Variants in COL25A1 observed in about 807,000 individuals in gnomAD.
COL25A1 encodes collagen type XXV alpha 1 chain, also known as collagen alpha-1(XXV) chain.
COL25A1 carries 103 observed loss-of-function variants against 128.4 expected under a neutral mutation model. That is an observed-to-expected ratio of 0.80 (90% CI 0.68 to 0.94). COL25A1 has a LOEUF of 0.94. Among genes scored for constraint, COL25A1 ranks in the 40% least tolerant of loss-of-function variants. The probability of loss-of-function intolerance (pLI) is 0.00; values close to 1 mark genes in which losing one functional copy is unlikely to be tolerated. For synonymous variants in COL25A1, 279 were observed against 277.2 expected (o/e 1.01, Z -0.06); for missense variants, 745 against 840.0 (o/e 0.89, Z 1.40).
intron 3 of COL25A1, among the ~76,000 whole-genome samples, chr4:109,267,611 C>T (rs1422118401): frequency 6.6e-6 from 1 of 152,096 alleles, no homozygotes; most frequent in Non-Finnish European, 1.5e-5. Flanking sequence ...TTATGGATAA[C>T]ATCGTACATG....
At chr4:109,243,715 A>G (rs1328325942) in intron 3 of COL25A1, among the ~76,000 whole-genome samples, 1 of 152,052 alleles carries the variant, frequency 6.6e-6, no homozygotes, top group Admixed American at 6.6e-5. Context: ...GATTAGATCT[A>G]AGAAAGATTT....
chr4:108,911,268 G>T (rs1302892580), intron 13 of COL25A1, among the ~76,000 whole-genome samples: 3 of 152,130 alleles, frequency 2.0e-5, no homozygotes, highest in African/African-American at 7.2e-5. Flanking sequence ...AGTATAAATT[G>T]TAAGCATTGC....
chr4:109,021,245 T>A (rs942900118), intron 5 of COL25A1, among the ~76,000 whole-genome samples: 3 of 152,196 alleles, frequency 2.0e-5, no homozygotes, highest in Non-Finnish European at 4.4e-5. Context: ...AAACTCAAGA[T>A]AACTGCCCAG....
chr4:108,880,660 T>G (rs1740009955), intron 19 of COL25A1, among the ~76,000 whole-genome samples: 1 of 152,156 alleles, frequency 6.6e-6, no homozygotes, highest in South Asian at 2.1e-4. Flanking sequence ...ATGAGTCCCA[T>G]CTTATGAGGA....
chr4:109,218,866 C>A (rs983553067), intron 3 of COL25A1, among the ~76,000 whole-genome samples: 2 of 151,998 alleles, frequency 1.3e-5, no homozygotes, highest in African/African-American at 2.4e-5. Flanking sequence ...AGTGATAATT[C>A]TTTCTCCTTT....
At chr4:108,869,190 C>CAGTAAATA in intron 19 of COL25A1, 40 bp from the exon 20 acceptor site, 1 of 754,006 alleles carries the variant, frequency 1.3e-6, no homozygotes, top group South Asian at 1.9e-5. Flanking sequence ...AATCATTTGA[C>CAGTAAATA]AATAAATAAA....
At chr4:108,824,912 G>A (rs1732186958) in intron 34 of COL25A1, among the ~76,000 whole-genome samples, 1 of 152,070 alleles carries the variant, frequency 6.6e-6, no homozygotes, top group South Asian at 2.1e-4. Flanking sequence ...TCATAAATAG[G>A]TCATGCTGAT....
chr4:109,143,234 C>A (rs1037889813), intron 3 of COL25A1, among the ~76,000 whole-genome samples: 1 of 152,186 alleles, frequency 6.6e-6, no homozygotes, highest in Non-Finnish European at 1.5e-5. Flanking sequence ...ATATTGGCCT[C>A]CACTCTCTTC....
At chr4:108,874,193 T>C (rs1048593385) in intron 19 of COL25A1, among the ~76,000 whole-genome samples, 5 of 152,190 alleles carry the variant, frequency 3.3e-5, no homozygotes, top group African/African-American at 4.8e-5. Flanking sequence ...GAAATCATCT[T>C]TGGAGTCAAT....
chr4:109,267,858 TA>T (rs1781895238), intron 3 of COL25A1, among the ~76,000 whole-genome samples: 2 of 152,156 alleles, frequency 1.3e-5, no homozygotes, highest in Admixed American at 1.3e-4. Context: ...TTGACCTACA[TA>T]AAACAGTCTA....
chr4:108,940,747 A>T, intron 9 of COL25A1, 101 bp from the exon 10 acceptor site: 1 of 742,532 alleles, frequency 1.3e-6, no homozygotes, highest in Non-Finnish European at 2.1e-6. Flanking sequence ...TCACATTTAC[A>T]CTATGAAAAG....
At chr4:109,230,872 G>A (rs571582587) in intron 3 of COL25A1, among the ~76,000 whole-genome samples, 28 of 152,278 alleles carry the variant, frequency 1.8e-4, no homozygotes, top group South Asian at 2.1e-4. Flanking sequence ...CGGGCGCAGC[G>A]GCTCACGCCT....
chr4:109,158,640 T>C (rs1006885845), intron 3 of COL25A1, among the ~76,000 whole-genome samples: 1 of 152,198 alleles, frequency 6.6e-6, no homozygotes. Context: ...CATGGACAAT[T>C]ACTGGAATTA....
chr4:108,945,967 AAAT>A (rs1265437744), intron 8 of COL25A1, among the ~76,000 whole-genome samples: 1 of 152,048 alleles, frequency 6.6e-6, no homozygotes, highest in Non-Finnish European at 1.5e-5. Flanking sequence ...ACCTGGCCTG[AAAT>A]AATTTGTACA....
At chr4:108,863,434 G>A (rs1158285204) in intron 20 of COL25A1, 47 bp from the exon 21 acceptor site, 1 of 1,517,300 alleles carries the variant, frequency 6.6e-7, no homozygotes, top group Non-Finnish European at 9.0e-7. Context: ...CCCCACCCAG[G>A]CTGGTCCCTG....
At chr4:108,983,020 G>T (rs1002728511) in intron 6 of COL25A1, among the ~76,000 whole-genome samples, 2 of 152,170 alleles carry the variant, frequency 1.3e-5, no homozygotes, top group South Asian at 4.1e-4. Flanking sequence ...TTATAAAACA[G>T]CAGGAATCAG....
At chr4:109,258,788 C>A (rs1781246319) in intron 3 of COL25A1, among the ~76,000 whole-genome samples, 1 of 152,096 alleles carries the variant, frequency 6.6e-6, no homozygotes, top group African/African-American at 2.4e-5. Flanking sequence ...TAAAATATAA[C>A]TCCAAGCATT....
intron 3 of COL25A1, among the ~76,000 whole-genome samples, chr4:109,262,654 A>G (rs17233744): frequency 0.22 from 33,286 of 152,128 alleles, 4,233 homozygotes; most frequent in Middle Eastern, 0.3. Context: ...CAGAAGCAAA[A>G]TTTCATCCAC....
At chr4:109,132,638 A>G (rs546361522) in intron 3 of COL25A1, among the ~76,000 whole-genome samples, 2 of 152,328 alleles carry the variant, frequency 1.3e-5, no homozygotes, top group South Asian at 4.1e-4. Flanking sequence ...AACAAATTAA[A>G]TTATAATATG....
Sources: allele counts gnomAD v4.1 joint callset (sites outside exome capture counted in the v4.1 genomes callset), GRCh38; gene constraint gnomAD v4.1.1; transcripts MANE v1.5; gene names NCBI Gene and HGNC (gene_info 2026-07-23, HGNC 2026-07-21).